Variants in CSMD1 observed in about 807,000 individuals in gnomAD.
CSMD1 encodes CUB and Sushi multiple domains 1, also known as CUB and sushi domain-containing protein 1.
CSMD1 carries 213 observed loss-of-function variants against 417.5 expected under a neutral mutation model. That is an observed-to-expected ratio of 0.51 (90% CI 0.46 to 0.57). CSMD1 has a LOEUF of 0.57. Ranked by LOEUF, CSMD1 falls within the 20% of genes least tolerant of loss-of-function variation. CSMD1 has a pLI of 0.00. For missense variants in CSMD1, 6,923 were observed against 4,529.7 expected (o/e 1.53, Z -15.17); for synonymous variants, 2,862 against 1,736.8 (o/e 1.65, Z -16.11).
intron 3 of CSMD1, among the ~76,000 whole-genome samples, chr8:4,275,015 C>A (rs538233849): frequency 1.3e-5 from 2 of 152,106 alleles, no homozygotes; most frequent in Non-Finnish European, 2.9e-5. Flanking sequence ...ATAGTTAATA[C>A]ATTTTTCCAT....
At chr8:4,690,713 G>T (rs981307926) in intron 1 of CSMD1, among the ~76,000 whole-genome samples, 4 of 152,100 alleles carry the variant, frequency 2.6e-5, no homozygotes, top group South Asian at 2.1e-4. Flanking sequence ...TTGTTTCACA[G>T]GGATCTGAAA....
chr8:4,038,018 T>G (rs909483685), intron 3 of CSMD1, among the ~76,000 whole-genome samples: 5 of 152,134 alleles, frequency 3.3e-5, no homozygotes, highest in Admixed American at 2.0e-4. Context: ...TTCCCACACT[T>G]GGTAAAAAGT....
intron 2 of CSMD1, among the ~76,000 whole-genome samples, chr8:4,434,866 C>G (rs559262898): frequency 6.6e-6 from 1 of 152,312 alleles, no homozygotes; most frequent in Admixed American, 6.5e-5. Flanking sequence ...CAAGAACAAA[C>G]TACATCTTTT....
At chr8:4,034,962 C>CT (rs1797538897) in intron 3 of CSMD1, among the ~76,000 whole-genome samples, 1 of 152,272 alleles carries the variant, frequency 6.6e-6, no homozygotes, top group African/African-American at 2.4e-5. Context: ...GGAAATGGAA[C>CT]TTAGTCTGCG....
chr8:4,272,203 T>C lies in CSMD1; in HGVS notation c.415+147750A>G, dbSNP rs190006416. ...TTTTCCTGTATGACCTTAATAGGTA[T>C]AGTACTTTATGGCTTAGTACTATAG... On this transcript the variant is annotated intron_variant, in intron 3 of 69. Transcript: ENST00000635120. Among the ~76,000 whole-genome samples the C allele has an allele frequency of 2.3e-3, 347 of 152,322 alleles. 1 individual carries two copies. Among genetic ancestry groups the C allele is most frequent in the African/African-American group, 8.0e-3 (334 of 41,576 alleles).
intron 23 of CSMD1, among the ~76,000 whole-genome samples, chr8:3,336,361 C>T (rs1415470104): frequency 6.6e-6 from 1 of 152,180 alleles, no homozygotes; most frequent in African/African-American, 2.4e-5. Flanking sequence ...CATGTGTCAC[C>T]TTCTATAGCC....
At chr8:4,144,240 C>T (rs773480658) in intron 3 of CSMD1, among the ~76,000 whole-genome samples, 6 of 150,944 alleles carry the variant, frequency 4.0e-5, no homozygotes, top group Non-Finnish European at 7.3e-5. Context: ...ACAAACTGGC[C>T]GTAAGTTCCC....
intron 35 of CSMD1, 123 bp from the exon 36 acceptor site, chr8:3,188,088 GTATATA>G (rs35871841): frequency 7.3e-6 from 2 of 275,410 alleles, no homozygotes; most frequent in East Asian, 6.3e-5. Context: ...ATATGTATAT[GTATATA>G]TATATACATA....
chr8:4,673,260 T>A (rs1394346653), intron 1 of CSMD1, among the ~76,000 whole-genome samples: 3 of 152,218 alleles, frequency 2.0e-5, no homozygotes, highest in Non-Finnish European at 4.4e-5. Context: ...GAGTCCCTTA[T>A]GAATTCTCAT....
At chr8:3,137,261 G>T (rs902729899) in intron 41 of CSMD1, among the ~76,000 whole-genome samples, 1 of 152,154 alleles carries the variant, frequency 6.6e-6, no homozygotes, top group African/African-American at 2.4e-5. Context: ...TCCGCAATGC[G>T]TAGGGACTAA....
chr8:4,945,596 G>A (rs1197971949), intron 1 of CSMD1, among the ~76,000 whole-genome samples: 2 of 151,862 alleles, frequency 1.3e-5, no homozygotes, highest in Non-Finnish European at 2.9e-5. Flanking sequence ...GTAAATCTCT[G>A]GATAAGAAAT....
At chr8:3,747,291 T>G (rs1412743478) in intron 6 of CSMD1, among the ~76,000 whole-genome samples, 1 of 152,242 alleles carries the variant, frequency 6.6e-6, no homozygotes, top group Non-Finnish European at 1.5e-5. Context: ...GGAGGGATTC[T>G]CTAGGTAATT....
At chr8:4,449,696 G>A (rs1017125795) in intron 2 of CSMD1, among the ~76,000 whole-genome samples, 5 of 152,164 alleles carry the variant, frequency 3.3e-5, no homozygotes, top group African/African-American at 9.7e-5. Context: ...GAGAGGGAGA[G>A]AGAGGGAGTA....
intron 9 of CSMD1, among the ~76,000 whole-genome samples, chr8:3,579,761 C>G (rs1474927303): frequency 6.6e-6 from 1 of 152,118 alleles, no homozygotes; most frequent in African/African-American, 2.4e-5. Flanking sequence ...TATGATTGCT[C>G]TAAGGATTGA....
intron 25 of CSMD1, among the ~76,000 whole-genome samples, chr8:3,302,659 G>A (rs911307836): frequency 7.9e-5 from 12 of 152,170 alleles, no homozygotes; most frequent in African/African-American, 2.2e-4. Context: ...CACCCTGTGA[G>A]CAGTCACCAG....
chr8:4,418,154 T>C (rs1047109003), intron 3 of CSMD1, among the ~76,000 whole-genome samples: 6 of 152,076 alleles, frequency 3.9e-5, no homozygotes, highest in Non-Finnish European at 4.4e-5. Context: ...AAATAGAGGT[T>C]TGTCTTCACT....
chr8:3,883,357 T>C (rs556027483), intron 5 of CSMD1, among the ~76,000 whole-genome samples: 1 of 152,154 alleles, frequency 6.6e-6, no homozygotes, highest in East Asian at 1.9e-4. Context: ...TCAATTAACA[T>C]GAAGTTTTCC....
At chr8:3,306,316 G>A (rs772101672) in intron 25 of CSMD1, among the ~76,000 whole-genome samples, 4 of 152,186 alleles carry the variant, frequency 2.6e-5, no homozygotes, top group Non-Finnish European at 5.9e-5. Context: ...TGGGATTACA[G>A]GTGTGTGCCA....
At chr8:4,586,425 A>T (rs1194132988) in intron 2 of CSMD1, among the ~76,000 whole-genome samples, 1 of 152,140 alleles carries the variant, frequency 6.6e-6, no homozygotes, top group African/African-American at 2.4e-5. Context: ...TACAGACTTA[A>T]CCTGTTAAGC....
Sources: allele counts gnomAD v4.1 joint callset (sites outside exome capture counted in the v4.1 genomes callset), GRCh38; gene constraint gnomAD v4.1.1; transcripts MANE v1.5; gene names NCBI Gene and HGNC (gene_info 2026-07-23, HGNC 2026-07-21).